Variants in MYCBP2 observed in about 807,000 individuals in gnomAD.
MYCBP2 encodes E3 ubiquitin-protein ligase MYCBP2.
In MYCBP2, 120 loss-of-function variants were observed where a neutral mutation model predicts 525.3. That is an observed-to-expected ratio of 0.23 (90% CI 0.20 to 0.27). MYCBP2 has a LOEUF of 0.27. Ranked by LOEUF, MYCBP2 falls within the 10% of genes least tolerant of loss-of-function variation. The probability of loss-of-function intolerance (pLI) is 1.00; values close to 1 mark genes in which losing one functional copy is unlikely to be tolerated. For missense variants in MYCBP2, 4,149 were observed against 5,657.1 expected, an observed-to-expected ratio of 0.73 and a Z score of 8.55; for synonymous variants, 1,894 against 1,955.8, an observed-to-expected ratio of 0.97 and a Z score of 0.83.
At chr13:77,202,780 C>A (rs1241395381) in intron 26 of MYCBP2, among the ~76,000 whole-genome samples, 1 of 152,050 alleles carries the variant, frequency 6.6e-6, no homozygotes, top group Non-Finnish European at 1.5e-5. Flanking sequence ...ATAAACAGAA[C>A]CAAAGACAAA....
rs546863617 is a variant in MYCBP2 at position 77,085,904 on chromosome 13, G to A, written c.10875+1580C>T. Among the ~76,000 whole-genome samples the A allele has an allele frequency of 2.6e-5, 4 of 152,262 alleles. No individual in the cohort carries two copies. In the South Asian group the frequency reaches 8.3e-4, roughly 32 times the overall value. On this transcript the variant is annotated intron_variant, in intron 62 of 82. Coordinates refer to ENST00000544440, the MANE Select transcript of MYCBP2 (RefSeq NM_015057.5). ...CAGTGAGTTCTGGGGTAGTTATGCAGGAACAGATAGCTGTTACAGGTATAT... is the reference window on the plus strand; with the variant it reads ...CAGTGAGTTCTGGGGTAGTTATGCAAGAACAGATAGCTGTTACAGGTATAT...
chr13:77,174,232 T>G, intron 37 of MYCBP2, 79 bp downstream of exon 37: 1 of 1,324,330 alleles, frequency 7.6e-7, no homozygotes, highest in Non-Finnish European at 1.1e-6. Flanking sequence ...AAGTATCCAG[T>G]TAGCAATTTT....
At chr13:77,254,491 C>T (rs895802922) in intron 14 of MYCBP2, among the ~76,000 whole-genome samples, 2 of 151,688 alleles carry the variant, frequency 1.3e-5, no homozygotes, top group East Asian at 1.9e-4. Flanking sequence ...CCTTTACGTT[C>T]GTTTTAAATT....
At chr13:77,152,195 T>C (rs2056563677) in intron 46 of MYCBP2, among the ~76,000 whole-genome samples, 3 of 152,222 alleles carry the variant, frequency 2.0e-5, no homozygotes, top group South Asian at 4.1e-4. Context: ...GTGACAAATA[T>C]GTTCCATTAA....
At chr13:77,107,732 T>C (rs1429014595) in intron 55 of MYCBP2, among the ~76,000 whole-genome samples, 2 of 151,772 alleles carry the variant, frequency 1.3e-5, no homozygotes, top group Non-Finnish European at 2.9e-5. Flanking sequence ...AGTGAAATTG[T>C]CTCAAAAAAA....
At chr13:77,172,973 C>T (rs192098689) in intron 37 of MYCBP2, among the ~76,000 whole-genome samples, 1 of 152,276 alleles carries the variant, frequency 6.6e-6, no homozygotes, top group East Asian at 1.9e-4. Context: ...CCTGGGGTTA[C>T]TGTGAGGACA....
chr13:77,200,960 G>A (rs1352674883), intron 26 of MYCBP2, among the ~76,000 whole-genome samples: 18 of 152,066 alleles, frequency 1.2e-4, no homozygotes, highest in African/African-American at 3.6e-4. Flanking sequence ...AAAGACCATC[G>A]AGACTAGGAA....
At chr13:77,325,495 C>T (rs993543212) in intron 1 of MYCBP2, among the ~76,000 whole-genome samples, 4 of 152,060 alleles carry the variant, frequency 2.6e-5, no homozygotes, top group Non-Finnish European at 5.9e-5. Context: ...AAAAAAGCAC[C>T]CACATTTTAA....
intron 26 of MYCBP2, among the ~76,000 whole-genome samples, chr13:77,204,904 G>T (rs1429052414): frequency 3.6e-5 from 4 of 112,484 alleles, no homozygotes; most frequent in Non-Finnish European, 7.0e-5. Context: ...GTTGTGGGGT[G>T]GGGGGAGGGG....
Position 77,214,998 on chromosome 13 carries a change from CAAG to C in MYCBP2, c.3057+2839_3058-2839del, listed in dbSNP as rs2064613426. Among the ~76,000 whole-genome samples the C allele has an allele frequency of 2.6e-5, 4 of 152,012 alleles. No individual in the cohort carries two copies. The South Asian group carries it at 8.3e-4, about 32-fold the overall frequency. ...GTGTCTGCATGCTTATATATCTTCACAAGAAGAAACACAAGAAGAATAAACTGT... is the reference window on the plus strand; with the variant it reads ...GTGTCTGCATGCTTATATATCTTCACAAGAAACACAAGAAGAATAAACTGT... On this transcript the variant is annotated intron_variant, in intron 21 of 82. Coordinates refer to ENST00000544440, the MANE Select transcript of MYCBP2 (RefSeq NM_015057.5).
chr13:77,318,384 T>C (rs1342552412), intron 1 of MYCBP2, among the ~76,000 whole-genome samples: 1 of 152,224 alleles, frequency 6.6e-6, no homozygotes, highest in Non-Finnish European at 1.5e-5. Context: ...CAAGAATTCA[T>C]GTCCTAACAA....
chr13:77,099,848 G>C (rs1566525007), intron 55 of MYCBP2: 1 of 152,098 alleles, frequency 6.6e-6, no homozygotes, highest in Non-Finnish European at 1.5e-5. Context: ...AGATGTTTCT[G>C]CATGGACATT....
At chr13:77,051,985 G>A in intron 80 of MYCBP2, 67 bp from the exon 81 acceptor site, 1 of 1,195,086 alleles carries the variant, frequency 8.4e-7, no homozygotes, top group Non-Finnish European at 1.2e-6. Context: ...GATACAGTAT[G>A]GGCATAGTGA....
chr13:77,238,242 C>CAAAAAAAAAAAAAAAA (rs772175406), intron 17 of MYCBP2, among the ~76,000 whole-genome samples: 1 of 28,310 alleles, frequency 3.5e-5, no homozygotes, highest in Admixed American at 3.1e-4. Context: ...GACTCCGTCT[C>CAAAAAAAAAAAAAAAA]AAAAAAAAAA....
chr13:77,250,797 T>A (rs1256540466), intron 15 of MYCBP2, among the ~76,000 whole-genome samples: 1 of 152,160 alleles, frequency 6.6e-6, no homozygotes, highest in Non-Finnish European at 1.5e-5. Context: ...TTAGAAAAGA[T>A]TCATGTTCAA....
intron 59 of MYCBP2, among the ~76,000 whole-genome samples, chr13:77,091,386 T>C (rs1402927355): frequency 1.4e-5 from 2 of 147,846 alleles, no homozygotes; most frequent in Admixed American, 1.3e-4. Context: ...AGTTTTCTAC[T>C]AACTTAAAAA....
intron 12 of MYCBP2, 101 bp downstream of exon 12, chr13:77,261,070 T>C (rs1348414475): frequency 2.3e-5 from 19 of 824,720 alleles, no homozygotes; most frequent in Admixed American, 5.7e-5. Context: ...AAAGTTGGTG[T>C]GGTGTTATTG....
intron 38 of MYCBP2, 68 bp from the exon 39 acceptor site, chr13:77,169,782 T>A: frequency 8.0e-6 from 10 of 1,257,856 alleles, no homozygotes; most frequent in Non-Finnish European, 1.2e-5. Context: ...GCATACATGC[T>A]GTACTAAATC....
intron 37 of MYCBP2, among the ~76,000 whole-genome samples, chr13:77,173,715 G>A (rs960661579): frequency 2.0e-5 from 3 of 152,138 alleles, no homozygotes; most frequent in East Asian, 1.9e-4. Flanking sequence ...CAGCTTTGCC[G>A]CTACAAGAAA....
Sources: allele counts gnomAD v4.1 joint callset (sites outside exome capture counted in the v4.1 genomes callset), GRCh38; gene constraint gnomAD v4.1.1; transcripts MANE v1.5; gene names NCBI Gene and HGNC (gene_info 2026-07-23, HGNC 2026-07-21).